GXYLT2: variants seen among roughly 807,000 people sequenced by gnomAD.
GXYLT2 encodes the protein glycosyltransferase 8 domain containing 4.
GXYLT2 carries 53 observed loss-of-function variants against 45.8 expected under a neutral mutation model. The ratio of observed to expected loss-of-function variants is 1.16; its 90% CI spans 0.93 to 1.46. The LOEUF is 1.46. GXYLT2 is among the 40% of genes most tolerant of loss of function. GXYLT2 has a pLI of 0.00. For missense variants in GXYLT2, 551 were observed against 544.4 expected, an observed-to-expected ratio of 1.01 and a Z score of -0.12; for synonymous variants, 219 against 214.2, an observed-to-expected ratio of 1.02 and a Z score of -0.19.
At chr3:72,947,858 T>G (rs1287368328) in intron 3 of GXYLT2, among the ~76,000 whole-genome samples, 1 of 151,910 alleles carries the variant, frequency 6.6e-6, no homozygotes, top group Admixed American at 6.6e-5. Flanking sequence ...AGGATAAAAG[T>G]AGGATGATTT....
chr3:72,889,922 T>TTG (rs1709151329), intron 1 of GXYLT2, among the ~76,000 whole-genome samples: 1 of 150,422 alleles, frequency 6.6e-6, no homozygotes, highest in African/African-American at 2.5e-5. Context: ...TTTTTTTTTT[T>TTG]TGTGACAAAG....
chr3:72,890,426 G>A (rs578254486), intron 1 of GXYLT2, among the ~76,000 whole-genome samples: 8 of 152,212 alleles, frequency 5.3e-5, no homozygotes, highest in Non-Finnish European at 1.2e-4. Flanking sequence ...TGCAAAGTAA[G>A]CACCAATGGT....
chr3:72,935,578 A>G (rs373630021), intron 3 of GXYLT2, among the ~76,000 whole-genome samples: 2 of 152,326 alleles, frequency 1.3e-5, no homozygotes, highest in African/African-American at 4.8e-5. Flanking sequence ...TCAGAACAAC[A>G]GGTGAAATAG....
At chr3:72,913,541 A>G (rs922645412) in intron 2 of GXYLT2, among the ~76,000 whole-genome samples, 2 of 151,866 alleles carry the variant, frequency 1.3e-5, no homozygotes, top group Non-Finnish European at 2.9e-5. Flanking sequence ...CTAAAAATAC[A>G]AAAATTAGCC....
intron 4 of GXYLT2, among the ~76,000 whole-genome samples, chr3:72,955,789 T>TC (rs1376300161): frequency 4.6e-5 from 7 of 152,142 alleles, no homozygotes. Context: ...AAAAAAATTA[T>TC]CCTCCTGGCC....
At position 72,940,524 on chromosome 3, in the gene GXYLT2, G is replaced by A. The variant is rs188886718; in HGVS notation, c.601-14574G>A. ...TGTTGGTTAATTCTGAAGAGAGAGC[G>A]GGGGTTGGTTATGGGGGTTTGGAGT... On this transcript the variant is annotated intron_variant, in intron 3 of 6. Coordinates refer to ENST00000389617, the MANE Select transcript of GXYLT2 (RefSeq NM_001080393.2). Among the ~76,000 whole-genome samples the A allele has an allele frequency of 1.1e-3, 162 of 152,244 alleles. 3 individuals carry two copies. The highest frequency in any genetic ancestry group is 2.9e-3 in the African/African-American group (121 of 41,546).
chr3:72,902,619 T>G (rs573191618), intron 1 of GXYLT2, among the ~76,000 whole-genome samples: 2 of 152,090 alleles, frequency 1.3e-5, no homozygotes, highest in Non-Finnish European at 2.9e-5. Flanking sequence ...GGAGGATCAT[T>G]TGAGCCCAGG....
chr3:72,903,855 A>C (rs1173362345), intron 1 of GXYLT2, among the ~76,000 whole-genome samples: 1 of 152,176 alleles, frequency 6.6e-6, no homozygotes, highest in Non-Finnish European at 1.5e-5. Context: ...TTTGATTGCT[A>C]AGTTGTAAGT....
At position 72,928,951 on chromosome 3, in the gene GXYLT2, G is replaced by C. The variant is rs115736530; in HGVS notation, c.600+6616G>C. 443 of 782,462 alleles carry C rather than the reference G, an allele frequency of 5.7e-4. No individual in the cohort carries two copies. In the African/African-American group the frequency reaches 7.1e-3, roughly 12 times the overall value. The allele number at this position is 782,462 out of a possible 1,614,324, so 48.5% of individuals were successfully genotyped here. On this transcript the variant is annotated intron_variant, in intron 3 of 6. Coordinates refer to ENST00000389617, the MANE Select transcript of GXYLT2 (RefSeq NM_001080393.2). ...GCCGGCCGCCCATAGCCAGTCCTCC[G>C]TCACCACTTCACCGCGCCCTCGGTA...
chr3:72,891,683 C>T (rs960371771), intron 1 of GXYLT2, among the ~76,000 whole-genome samples: 1 of 151,882 alleles, frequency 6.6e-6, no homozygotes, highest in Admixed American at 6.6e-5. Context: ...TCTAAGACAA[C>T]GTATAGTAAA....
chr3:72,933,326 C>T (rs537341813), intron 3 of GXYLT2, among the ~76,000 whole-genome samples: 1 of 152,276 alleles, frequency 6.6e-6, no homozygotes, highest in Admixed American at 6.5e-5. Flanking sequence ...GTCTTTTTGA[C>T]TCCAGCATAA....
chr3:72,940,990 A>T (rs1710287370), intron 3 of GXYLT2, among the ~76,000 whole-genome samples: 1 of 152,190 alleles, frequency 6.6e-6, no homozygotes, highest in Admixed American at 6.5e-5. Context: ...AATTTTTAAA[A>T]ATAGTAAACC....
intron 3 of GXYLT2, among the ~76,000 whole-genome samples, chr3:72,935,099 A>C (rs1710151018): frequency 2.0e-5 from 3 of 152,222 alleles, no homozygotes; most frequent in Admixed American, 2.0e-4. Flanking sequence ...ATCAACCTAC[A>C]GAAAATCATA....
intron 1 of GXYLT2, among the ~76,000 whole-genome samples, chr3:72,903,297 C>T (rs1035524088): frequency 2.0e-5 from 3 of 152,148 alleles, no homozygotes; most frequent in African/African-American, 4.8e-5. Context: ...GTGTTTGTTA[C>T]GCTTTTTGTT....
intron 5 of GXYLT2, among the ~76,000 whole-genome samples, chr3:72,960,907 T>C (rs1250432057): frequency 2.0e-5 from 3 of 152,218 alleles, no homozygotes; most frequent in African/African-American, 7.2e-5. Context: ...CAGGTTGCCA[T>C]GGGTGAACCA....
Position 72,975,354 on chromosome 3 carries a change from C to G in GXYLT2, c.*195C>G. 2.7e-6 allele frequency: 1 copy of G among 371,184 alleles called. No individual in the cohort carries two copies. Among genetic ancestry groups the G allele is most frequent in the Admixed American group, 5.6e-5 (1 of 17,814 alleles). The allele number at this position is 371,184 out of a possible 1,614,324, so 23.0% of individuals were successfully genotyped here. A position where few individuals can be genotyped will look rare whatever the true frequency, so the allele number is the denominator to read the frequency against. On this transcript the variant is annotated 3_prime_UTR_variant, in exon 7 of 7. Transcript: ENST00000389617. ...TTTCCTTATTTTTTTTTCTAAAATGCTATTTATCTCTAAGGAAAAAAAAAA... is the reference window on the plus strand; with the variant it reads ...TTTCCTTATTTTTTTTTCTAAAATGGTATTTATCTCTAAGGAAAAAAAAAA...
At chr3:72,915,251 A>G (rs895452664) in intron 2 of GXYLT2, among the ~76,000 whole-genome samples, 1 of 150,710 alleles carries the variant, frequency 6.6e-6, no homozygotes, top group African/African-American at 2.5e-5. Context: ...TCCTTTAAAG[A>G]AAGAAAAAAA....
In GXYLT2 at chr3:72,898,452, A is replaced by G. The variant is rs559561694; in HGVS notation, c.276-9915A>G. On this transcript the variant is annotated intron_variant, in intron 1 of 6. Coordinates refer to ENST00000389617, the MANE Select transcript of GXYLT2 (RefSeq NM_001080393.2). ...GGAAAGAAGAAGGAGATGGAGAAAT[A>G]GAATCTCCTATATGTCAGGAACAAT... 2.9e-4 allele frequency among the ~76,000 whole-genome samples: 44 copies of G among 152,376 alleles called. No individual in the cohort carries two copies. In the South Asian group the frequency reaches 7.0e-3, roughly 24 times the overall value.
At chr3:72,968,490 C>T (rs932602428) in intron 6 of GXYLT2, among the ~76,000 whole-genome samples, 9 of 152,250 alleles carry the variant, frequency 5.9e-5, no homozygotes, top group Non-Finnish European at 1.3e-4. Context: ...CCTTTATTTG[C>T]TTAACTGCAG....
Sources: gnomAD v4.1 joint callset for allele counts (sites outside exome capture counted in the v4.1 genomes callset) on GRCh38, gnomAD v4.1.1 for gene constraint, MANE v1.5 for transcripts, NCBI Gene and HGNC (gene_info 2026-07-23, HGNC 2026-07-21) for gene names.